The following GPC5 variants were observed in gnomAD, a reference collection of about 807,000 sequenced individuals.
The protein encoded by GPC5 is glypican-5.
Under a neutral mutation model 53.9 loss-of-function variants are expected in GPC5, and 47 were observed. The ratio of observed to expected loss-of-function variants is 0.87; its 90% confidence interval spans 0.69 to 1.11. The LOEUF is 1.11. Ranked by LOEUF, GPC5 falls within the 50% of genes most tolerant of loss-of-function variation. The probability of loss-of-function intolerance (pLI) is 0.00; values close to 1 mark genes in which losing one functional copy is unlikely to be tolerated. For missense variants in GPC5, 748 were observed against 713.1 expected (o/e 1.05, Z -0.56); for synonymous variants, 286 against 263.3 (o/e 1.09, Z -0.84).
chr13:91,982,412 C>T (rs1369374846), intron 6 of GPC5, among the ~76,000 whole-genome samples: 2 of 149,432 alleles, frequency 1.3e-5, no homozygotes, highest in Non-Finnish European at 3.0e-5. Flanking sequence ...ATCTATACCA[C>T]AGAGATGAAA....
chr13:91,493,709 C>T (rs1884067631), intron 2 of GPC5, among the ~76,000 whole-genome samples: 1 of 152,128 alleles, frequency 6.6e-6, no homozygotes, highest in Non-Finnish European at 1.5e-5. Context: ...CAGACATTCG[C>T]TTCATTCCTT....
chr13:92,277,967 AG>A (rs1412698765), intron 7 of GPC5, among the ~76,000 whole-genome samples: 39 of 151,936 alleles, frequency 2.6e-4, no homozygotes, highest in Non-Finnish European at 5.0e-4. Flanking sequence ...CTAATTATAT[AG>A]TAAACAAGTA....
chr13:92,239,531 G>C (rs1411753), intron 7 of GPC5, among the ~76,000 whole-genome samples: 40,553 of 151,542 alleles, frequency 0.27, 5,856 homozygotes, highest in Non-Finnish European at 0.33. Flanking sequence ...CCTTCTTTGC[G>C]TATATTATTA....
At chr13:92,518,855 C>T (rs546489280) in intron 7 of GPC5, among the ~76,000 whole-genome samples, 12 of 152,214 alleles carry the variant, frequency 7.9e-5, no homozygotes, top group South Asian at 6.2e-4. Flanking sequence ...AGAGTCAAGA[C>T]CCTTCAGTGT....
chr13:91,538,750 T>G (rs1385712616), intron 2 of GPC5, among the ~76,000 whole-genome samples: 1 of 151,834 alleles, frequency 6.6e-6, no homozygotes, highest in African/African-American at 2.4e-5. Context: ...GCTGGGCTGA[T>G]TTTTTGTATT....
chr13:92,496,459 A>C (rs943036040), intron 7 of GPC5, among the ~76,000 whole-genome samples: 1 of 152,192 alleles, frequency 6.6e-6, no homozygotes, highest in African/African-American at 2.4e-5. Context: ...AATTATTGCA[A>C]GGTAAATCAG....
At chr13:92,667,657 G>A (rs1265833464) in intron 7 of GPC5, among the ~76,000 whole-genome samples, 1 of 152,070 alleles carries the variant, frequency 6.6e-6, no homozygotes, top group Non-Finnish European at 1.5e-5. Context: ...CTGCTTTGGG[G>A]TACTTGCTCT....
intron 7 of GPC5, among the ~76,000 whole-genome samples, chr13:92,568,980 GGTTA>G (rs1314163117): frequency 1.3e-5 from 2 of 151,630 alleles, no homozygotes; most frequent in South Asian, 2.1e-4. Flanking sequence ...ACAATTTGCA[GGTTA>G]GTTACATATG....
intron 7 of GPC5, among the ~76,000 whole-genome samples, chr13:92,420,346 T>A (rs535940907): frequency 3.3e-5 from 5 of 152,296 alleles, no homozygotes; most frequent in Admixed American, 1.3e-4. Context: ...TTTTCTTTTT[T>A]TAATTTTTAA....
chr13:92,547,966 A>G (rs1882181424), intron 7 of GPC5, among the ~76,000 whole-genome samples: 1 of 150,284 alleles, frequency 6.7e-6, no homozygotes, highest in Non-Finnish European at 1.5e-5. Context: ...AGGAGCTGGG[A>G]CTACAGGTGC....
intron 2 of GPC5, among the ~76,000 whole-genome samples, chr13:91,579,624 C>CTTTTTTTTTTTTTT (rs3055895): frequency 1.6e-4 from 16 of 102,588 alleles, no homozygotes; most frequent in South Asian, 3.5e-4. Flanking sequence ...TTTTCTTTTT[C>CTTTTTTTTTTTTTT]TTTTTTTTTT....
chr13:91,641,183 C>T (rs2034419106), intron 2 of GPC5, among the ~76,000 whole-genome samples: 1 of 151,976 alleles, frequency 6.6e-6, no homozygotes, highest in Non-Finnish European at 1.5e-5. Context: ...AAAAAATTAG[C>T]CAGGCGTGGT....
chr13:91,787,166 A>G (rs1017225958), intron 5 of GPC5, among the ~76,000 whole-genome samples: 1 of 152,174 alleles, frequency 6.6e-6, no homozygotes, highest in Non-Finnish European at 1.5e-5. Context: ...TGCATTTGCT[A>G]TCTACTCTGA....
chr13:92,545,069 C>T (rs945784416), intron 7 of GPC5, among the ~76,000 whole-genome samples: 1 of 151,976 alleles, frequency 6.6e-6, no homozygotes, highest in Non-Finnish European at 1.5e-5. Context: ...TACCTCCCCC[C>T]TCACCCCACC....
intron 5 of GPC5, among the ~76,000 whole-genome samples, chr13:91,894,267 T>C (rs949595720): frequency 2.0e-5 from 3 of 152,220 alleles, no homozygotes; most frequent in Non-Finnish European, 4.4e-5. Context: ...TGTTTGTTTG[T>C]TTGTTTTTTA....
intron 2 of GPC5, among the ~76,000 whole-genome samples, chr13:91,459,901 T>A (rs904791185): frequency 6.6e-6 from 1 of 152,134 alleles, no homozygotes; most frequent in Non-Finnish European, 1.5e-5. Flanking sequence ...ATATTTAGCA[T>A]AATTTAAGAG....
intron 3 of GPC5, among the ~76,000 whole-genome samples, chr13:91,700,784 A>G (rs1450713648): frequency 6.6e-6 from 1 of 152,210 alleles, no homozygotes; most frequent in Non-Finnish European, 1.5e-5. Flanking sequence ...TACGTGTCAA[A>G]TGTGCATTTG....
intron 6 of GPC5, among the ~76,000 whole-genome samples, chr13:91,986,317 G>T (rs193148786): frequency 6.6e-6 from 1 of 151,652 alleles, no homozygotes; most frequent in South Asian, 2.1e-4. Flanking sequence ...CACCCGCCTC[G>T]GCCTCCCAAA....
At position 92,024,394 on chromosome 13, in the gene GPC5, C is replaced by T. The variant is rs184897305; in HGVS notation, c.1401+116337C>T. Among the ~76,000 whole-genome samples the T allele has an allele frequency of 6.6e-5, 10 of 152,224 alleles. No individual in the cohort carries two copies. The East Asian group carries it at 7.7e-4, about 12-fold the overall frequency. On this transcript the variant is annotated intron_variant, in intron 6 of 7. Transcript: ENST00000377067. Reference sequence around the variant, plus strand: ...AATACAGTTATTCATGGTTTCATTGCGGTCATTGTCCAGACCTCTCTCCCT... The same window carrying T: ...AATACAGTTATTCATGGTTTCATTGTGGTCATTGTCCAGACCTCTCTCCCT...
Sources: allele counts gnomAD v4.1 joint callset (sites outside exome capture counted in the v4.1 genomes callset), GRCh38; gene constraint gnomAD v4.1.1; transcripts MANE v1.5; gene names NCBI Gene and HGNC (gene_info 2026-07-23, HGNC 2026-07-21).